DPF3: variants seen among roughly 807,000 people sequenced by gnomAD.
DPF3 encodes double PHD fingers 3.
DPF3 carries 18 observed loss-of-function variants against 56.8 expected under a neutral mutation model. The ratio of observed to expected loss-of-function variants is 0.32; its 90% CI spans 0.22 to 0.47. The LOEUF (loss-of-function observed/expected upper bound fraction) is 0.47. Ranked by LOEUF, DPF3 falls within the 20% of genes least tolerant of loss-of-function variation. The probability of loss-of-function intolerance (pLI) is 1.00; values close to 1 mark genes in which losing one functional copy is unlikely to be tolerated. For synonymous variants in DPF3, 188 were observed against 180.2 expected (o/e 1.04, Z -0.35); for missense variants, 403 against 488.8 (o/e 0.82, Z 1.65).
At chr14:72,888,117 C>T (rs540288258) in intron 1 of DPF3, among the ~76,000 whole-genome samples, 1 of 152,216 alleles carries the variant, frequency 6.6e-6, no homozygotes, top group African/African-American at 2.4e-5. Context: ...GGACTCAATG[C>T]GGGCTATTTG....
intron 8 of DPF3, chr14:72,670,899 AG>A: frequency 8.0e-7 from 1 of 1,252,310 alleles, no homozygotes; most frequent in African/African-American, 1.6e-5. Context: ...ATCTCTCGGA[AG>A]AACGCTCATT....
intron 1 of DPF3, among the ~76,000 whole-genome samples, chr14:72,884,856 G>A (rs146472385): frequency 0.098 from 14,383 of 146,544 alleles, 784 homozygotes; most frequent in East Asian, 0.14. Flanking sequence ...CAGCACTTTG[G>A]GAGGCCGAGG....
At chr14:72,884,022 C>A (rs1248773807) in intron 1 of DPF3, among the ~76,000 whole-genome samples, 1 of 152,098 alleles carries the variant, frequency 6.6e-6, no homozygotes, top group Non-Finnish European at 1.5e-5. Context: ...CAGATCTAAG[C>A]CCCTGCCCCG....
At chr14:72,755,153 G>A (rs1367937283) in intron 2 of DPF3, among the ~76,000 whole-genome samples, 2 of 152,120 alleles carry the variant, frequency 1.3e-5, no homozygotes, top group African/African-American at 2.4e-5. Flanking sequence ...GCTGCTTTAC[G>A]GTGCTTCCAA....
At chr14:72,690,498 ACAC>A (rs1887626736) in intron 7 of DPF3, among the ~76,000 whole-genome samples, 1 of 151,888 alleles carries the variant, frequency 6.6e-6, no homozygotes, top group Admixed American at 6.6e-5. Context: ...GCAGGTACAC[ACAC>A]AATACACATG....
rs78012922 is a variant in DPF3 at position 72,862,123 on chromosome 14, C to G, written c.32+31934G>C. On this transcript the variant is annotated intron_variant, in intron 1 of 10. Coordinates refer to ENST00000556509, the MANE Select transcript of DPF3 (RefSeq NM_001280542.3). ...CTTTAAGAATGGGAGCTCAGTGGCA[C>G]ACGACCTGAGTTAGTTCCCTGTGCC... Among the ~76,000 whole-genome samples, 26 of 152,288 alleles carry G rather than the reference C, an allele frequency of 1.7e-4. No individual in the cohort carries two copies. The East Asian group carries it at 4.8e-3, about 28-fold the overall frequency.
At chr14:72,790,149 G>A (rs1012814440) in intron 1 of DPF3, among the ~76,000 whole-genome samples, 1 of 152,156 alleles carries the variant, frequency 6.6e-6, no homozygotes, top group African/African-American at 2.4e-5. Flanking sequence ...CACTTTGGGA[G>A]GCCGAGATGG....
chr14:72,720,601 G>A (rs1889129708), intron 5 of DPF3, among the ~76,000 whole-genome samples: 2 of 152,214 alleles, frequency 1.3e-5, no homozygotes, highest in Admixed American at 6.5e-5. Context: ...CCCTACAGCT[G>A]AAATACGACT....
chr14:72,730,937 G>A (rs1287200526), intron 4 of DPF3, among the ~76,000 whole-genome samples: 3 of 152,150 alleles, frequency 2.0e-5, no homozygotes, highest in East Asian at 1.9e-4. Flanking sequence ...GGGAGGCTGA[G>A]GCAGGCGATC....
At chr14:72,812,850 C>T (rs961340354) in intron 1 of DPF3, among the ~76,000 whole-genome samples, 2 of 152,264 alleles carry the variant, frequency 1.3e-5, no homozygotes, top group East Asian at 1.9e-4. Flanking sequence ...GGAAGCCAAA[C>T]GCCCAGAGGC....
intron 1 of DPF3, among the ~76,000 whole-genome samples, chr14:72,837,402 T>C (rs747441605): frequency 1.1e-4 from 17 of 152,088 alleles, no homozygotes; most frequent in Non-Finnish European, 2.2e-4. Flanking sequence ...TCAGGCACTG[T>C]GGCAGGTACT....
At chr14:72,708,171 G>A (rs1888493655) in intron 6 of DPF3, among the ~76,000 whole-genome samples, 1 of 152,128 alleles carries the variant, frequency 6.6e-6, no homozygotes, top group African/African-American at 2.4e-5. Context: ...CAAGATGCGA[G>A]CCCTGGAGGA....
At chr14:72,796,851 A>G (rs1892667556) in intron 1 of DPF3, among the ~76,000 whole-genome samples, 1 of 152,180 alleles carries the variant, frequency 6.6e-6, no homozygotes, top group African/African-American at 2.4e-5. Flanking sequence ...TTTTATAAAG[A>G]TGGACCCCAA....
chr14:72,611,621 C>A lies in DPF3; in HGVS notation c.*7676G>T, dbSNP rs1298284331. ...CCAGTTGCACCTCCCTGCCTTCCAC[C>A]CCAGAAACCCACAAGCAGCTCTGGG... On this transcript the variant is annotated 3_prime_UTR_variant, in exon 11 of 11. Transcript: ENST00000556509. 6.6e-6 allele frequency among the ~76,000 whole-genome samples: 1 copy of A among 152,158 alleles called. No individual in the cohort carries two copies. Among genetic ancestry groups the A allele is most frequent in the African/African-American group, 2.4e-5 (1 of 41,420 alleles).
intron 6 of DPF3, among the ~76,000 whole-genome samples, chr14:72,713,063 C>T (rs1888724615): frequency 1.3e-5 from 2 of 152,200 alleles, no homozygotes; most frequent in African/African-American, 4.8e-5. Context: ...CATGCTGGGG[C>T]TTCTATGTAT....
chr14:72,723,855 T>A, intron 4 of DPF3, 127 bp from the exon 5 acceptor site: 1 of 855,826 alleles, frequency 1.2e-6, no homozygotes, highest in East Asian at 2.8e-5. Flanking sequence ...CTGCCTTTGC[T>A]TGGGCAGTTG....
intron 8 of DPF3, among the ~76,000 whole-genome samples, chr14:72,650,784 G>A (rs1360629683): frequency 1.3e-5 from 2 of 152,174 alleles, no homozygotes; most frequent in Non-Finnish European, 2.9e-5. Flanking sequence ...GAGGACAAAG[G>A]AGGCGTCTCC....
chr14:72,620,076 C>T (rs753208513), intron 9 of DPF3, 92 bp from the exon 10 acceptor site: 47 of 1,337,550 alleles, frequency 3.5e-5, no homozygotes, highest in Non-Finnish European at 4.2e-5. Context: ...CTTATTTCCA[C>T]GTCGGTCTCA....
In DPF3 at chr14:72,617,701, C is replaced by T. The variant is rs1008603099; in HGVS notation, c.*1596G>A. On this transcript the variant is annotated 3_prime_UTR_variant, in exon 11 of 11. Transcript: ENST00000556509. The stretch of plus-strand genomic sequence containing the variant: ...GGTCCACTGGCCAAGAGCAATTAGC[C>T]TAGAGAGGAGCACTCCTGCCGAGGG... 1.3e-5 allele frequency among the ~76,000 whole-genome samples: 2 copies of T among 152,148 alleles called. No individual in the cohort carries two copies. Among genetic ancestry groups the T allele is most frequent in the Non-Finnish European group, 2.9e-5 (2 of 68,030 alleles).
Sources: gnomAD v4.1 joint callset for allele counts (sites outside exome capture counted in the v4.1 genomes callset) on GRCh38, gnomAD v4.1.1 for gene constraint, MANE v1.5 for transcripts, NCBI Gene and HGNC (gene_info 2026-07-23, HGNC 2026-07-21) for gene names.